Variants in FAM174A observed in about 807,000 individuals in gnomAD.
The protein encoded by FAM174A is membrane protein FAM174A.
FAM174A carries 14 observed loss-of-function variants against 14.3 expected under a neutral mutation model. That is an observed-to-expected ratio of 0.98 (90% confidence interval 0.65 to 1.53). The LOEUF is 1.53. Among genes scored for constraint, FAM174A ranks in the 40% most tolerant of loss-of-function variants. FAM174A has a pLI of 0.00. For missense variants in FAM174A, 241 were observed against 249.6 expected (o/e 0.97, Z 0.23); for synonymous variants, 108 against 111.4 (o/e 0.97, Z 0.19).
rs76060686 is a variant in FAM174A, at chr5:100,562,176, A to T, written c.557A>T (p.Asn186Ile). The change falls in exon 2 of 3, where the codon AAT becomes ATT. Residue 186 changes from asparagine (N) to isoleucine (I), a missense_variant. Coordinates refer to ENST00000312637, the MANE Select transcript of FAM174A (RefSeq NM_198507.3). Reference sequence around the variant, plus strand: ...GATGACAACACGTTGTTTGATGCCAATCATCCTCGAAGGTAAGTATTCCAG... The same window carrying T: ...GATGACAACACGTTGTTTGATGCCATTCATCCTCGAAGGTAAGTATTCCAG... ...EDDDNTLFDA[N>I]HPRR The T allele has an allele frequency of 1.3e-6, 2 of 1,577,192 alleles. No homozygotes were observed. Among genetic ancestry groups the T allele is most frequent in the Non-Finnish European group, 1.7e-6 (2 of 1,165,348 alleles).
intron 2 of FAM174A, 22 bp from the exon 3 acceptor site, chr5:100,586,159 T>C (rs71652147): frequency 1.6e-6 from 2 of 1,283,642 alleles, no homozygotes; most frequent in Non-Finnish European, 2.2e-6. Flanking sequence ...ATATTTATGG[T>C]ATTTTTTTCT....
chr5:100,561,033 C>A (rs1746512424), intron 1 of FAM174A, among the ~76,000 whole-genome samples: 1 of 151,864 alleles, frequency 6.6e-6, no homozygotes, highest in African/African-American at 2.4e-5. Flanking sequence ...ATAAAGCAGT[C>A]TTGGTTGCTG....
chr5:100,581,380 G>A, intron 2 of FAM174A: 2 of 985,320 alleles, frequency 2.0e-6, no homozygotes, highest in Non-Finnish European at 2.4e-6. Flanking sequence ...GAGCAACTGA[G>A]GGATAGCAAC....
chr5:100,546,727 C>T (rs1746171744), intron 1 of FAM174A, among the ~76,000 whole-genome samples: 1 of 152,148 alleles, frequency 6.6e-6, no homozygotes, highest in African/African-American at 2.4e-5. Context: ...ATACCAGATA[C>T]ACATTGATAC....
In FAM174A at chr5:100,544,427, G is replaced by C. The variant is rs78373882; in HGVS notation, c.434+8463G>C. Reference sequence around the variant, plus strand: ...GATCCTGGAGAGAGAGAGAGAGAGAGAGAGAGATCGAGAGACAGAGAGAGA... The same window carrying C: ...GATCCTGGAGAGAGAGAGAGAGAGACAGAGAGATCGAGAGACAGAGAGAGA... On this transcript the variant is annotated intron_variant, in intron 1 of 2. Coordinates refer to ENST00000312637, the MANE Select transcript of FAM174A (RefSeq NM_198507.3). Among the ~76,000 whole-genome samples, 1,240 of 152,082 alleles carry C rather than the reference G, an allele frequency of 8.2e-3. 14 individuals are homozygous for C. The highest frequency in any genetic ancestry group is 0.028 in the African/African-American group (1,180 of 41,468).
rs773000163 is a variant in FAM174A at position 100,535,503 on chromosome 5, C to T, written c.-28C>T. 3.7e-6 allele frequency: 6 copies of T among 1,607,046 alleles called. No individual in the cohort carries two copies. In the East Asian group the frequency reaches 1.3e-4, roughly 36 times the overall value. On this transcript the variant is annotated 5_prime_UTR_variant, in exon 1 of 3. Transcript: ENST00000312637. ...CCAGCGTGGCGGGCCTGGCGGCTCCCGGGTGGTGAGAGAGCGGTCCGGGAA... is the reference window on the plus strand; with the variant it reads ...CCAGCGTGGCGGGCCTGGCGGCTCCTGGGTGGTGAGAGAGCGGTCCGGGAA...
chr5:100,565,191 C>G, intron 2 of FAM174A, among the ~76,000 whole-genome samples: 1 of 151,588 alleles, frequency 6.6e-6, no homozygotes, highest in East Asian at 1.9e-4. Context: ...CCCTGGAATG[C>G]AAATATCTTT....
intron 1 of FAM174A, 88 bp from the exon 2 acceptor site, chr5:100,561,966 A>T (rs1343298856): frequency 1.3e-6 from 1 of 761,960 alleles, no homozygotes; most frequent in East Asian, 3.4e-5. Flanking sequence ...TTGCTATGTC[A>T]GAAACAGAAT....
chr5:100,573,571 A>C (rs1339509376), intron 2 of FAM174A, among the ~76,000 whole-genome samples: 1 of 151,922 alleles, frequency 6.6e-6, no homozygotes, highest in East Asian at 1.9e-4. Flanking sequence ...CAAGGAAATA[A>C]AAGAGGATAC....
At chr5:100,545,662 T>A (rs918853756) in intron 1 of FAM174A, among the ~76,000 whole-genome samples, 1 of 152,192 alleles carries the variant, frequency 6.6e-6, no homozygotes, top group African/African-American at 2.4e-5. Context: ...GTCTCTATGT[T>A]TCTATGCTAA....
rs772504716 is a variant in FAM174A at position 100,562,103 on chromosome 5, A to G, written c.484A>G (p.Asn162Asp). 7.6e-6 allele frequency: 12 copies of G among 1,589,154 alleles called. No homozygotes were observed. Among genetic ancestry groups the G allele is most frequent in the Non-Finnish European group, 1.0e-5 (12 of 1,168,654 alleles). The change falls in exon 2 of 3, where the codon AAC becomes GAC. Residue 162 changes from asparagine to aspartate, a missense_variant. By Grantham distance (23) the Asn-to-Asp change is conservative. Transcript: ENST00000312637. Reference protein sequence around the residue: ...KTRRYGVLDTNIENMELTPLE... With the variant: ...KTRRYGVLDTDIENMELTPLE... The stretch of plus-strand genomic sequence containing the variant: ...TAGGAGATATGGAGTTTTGGACACT[A>G]ACATAGAAAATATGGAATTGACACC...
chr5:100,563,239 CA>C (rs1350962172), intron 2 of FAM174A, among the ~76,000 whole-genome samples: 1 of 151,702 alleles, frequency 6.6e-6, no homozygotes, highest in Non-Finnish European at 1.5e-5. Flanking sequence ...AAAACAATTG[CA>C]TCTGTTCTTC....
chr5:100,535,766 C>A lies in FAM174A; in HGVS notation c.236C>A (p.Ser79Tyr), dbSNP rs369657992. Residue 79 changes from serine (S) to tyrosine (Y), a missense_variant, in exon 1 of 3, where the codon TCC becomes TAC. Physicochemically the swap from Ser to Tyr is moderately radical, Grantham distance 144. Coordinates refer to ENST00000312637, the MANE Select transcript of FAM174A (RefSeq NM_198507.3). ...GLAEAAGPRG[S>Y]EGGNGSNPVA... ...GCTGAAGCTGCGGGGCCGCGGGGCT[C>A]CGAGGGAGGCAATGGCAGCAACCCT... 175 of 1,605,048 alleles carry A rather than the reference C, an allele frequency of 1.1e-4. No homozygotes were observed. The highest frequency in any genetic ancestry group is 5.3e-5 in the Non-Finnish European group (62 of 1,178,200).
chr5:100,568,678 T>C (rs1486012631), intron 2 of FAM174A, among the ~76,000 whole-genome samples: 1 of 151,594 alleles, frequency 6.6e-6, no homozygotes, highest in Non-Finnish European at 1.5e-5. Context: ...AAAACTGAAT[T>C]AGTTTCTGAG....
intron 1 of FAM174A, among the ~76,000 whole-genome samples, chr5:100,559,247 A>G (rs1746471949): frequency 6.6e-6 from 1 of 152,158 alleles, no homozygotes; most frequent in South Asian, 2.1e-4. Flanking sequence ...CTTTTCTTTA[A>G]GAATGTTGAA....
At chr5:100,575,342 G>T (rs1213166182) in intron 2 of FAM174A, among the ~76,000 whole-genome samples, 2 of 152,020 alleles carry the variant, frequency 1.3e-5, no homozygotes, top group Non-Finnish European at 2.9e-5. Context: ...GTGTTGGTGT[G>T]CTGCACCCAT....
At chr5:100,540,342 A>G (rs1010390112) in intron 1 of FAM174A, among the ~76,000 whole-genome samples, 97 of 152,266 alleles carry the variant, frequency 6.4e-4, no homozygotes, top group African/African-American at 2.2e-3. Flanking sequence ...ATTGGGTGCC[A>G]TTACTAAGCT....
At chr5:100,559,545 T>C (rs1030350310) in intron 1 of FAM174A, among the ~76,000 whole-genome samples, 1 of 152,146 alleles carries the variant, frequency 6.6e-6, no homozygotes, top group Non-Finnish European at 1.5e-5. Flanking sequence ...CAGAGTATTT[T>C]CCAACTTGGT....
At chr5:100,546,311 T>A (rs1746163043) in intron 1 of FAM174A, among the ~76,000 whole-genome samples, 1 of 152,152 alleles carries the variant, frequency 6.6e-6, no homozygotes, top group South Asian at 2.1e-4. Flanking sequence ...AAAGGCACAG[T>A]TACATCTGTT....
Sources: gnomAD v4.1 joint callset for allele counts (sites outside exome capture counted in the v4.1 genomes callset) on GRCh38, gnomAD v4.1.1 for gene constraint, MANE v1.5 for transcripts, NCBI Gene and HGNC (gene_info 2026-07-23, HGNC 2026-07-21) for gene names.